The following DNAH7 variants were observed in gnomAD, a reference collection of about 807,000 sequenced individuals.
DNAH7 encodes axonemal beta dynein heavy chain 7.
DNAH7 carries 397 observed loss-of-function variants against 444.6 expected under a neutral mutation model. The observed-to-expected ratio is 0.89, with a 90% confidence interval of 0.82 to 0.97. The LOEUF (loss-of-function observed/expected upper bound fraction) is 0.97. DNAH7 is among the 50% of genes least tolerant of loss of function. DNAH7 has a pLI of 0.00. For synonymous variants in DNAH7, 1,636 were observed against 1,624.4 expected, an observed-to-expected ratio of 1.01 and a Z score of -0.17; for missense variants, 4,902 against 4,800.8, an observed-to-expected ratio of 1.02 and a Z score of -0.62.
chr2:196,027,440 A>G (rs1288457592), intron 6 of DNAH7, among the ~76,000 whole-genome samples: 1 of 151,910 alleles, frequency 6.6e-6, no homozygotes, highest in Non-Finnish European at 1.5e-5. Flanking sequence ...TTCATTTTAA[A>G]ACAAGTTATT....
chr2:195,948,369 GC>G (rs542687887), intron 19 of DNAH7, among the ~76,000 whole-genome samples: 1 of 152,184 alleles, frequency 6.6e-6, no homozygotes, highest in Non-Finnish European at 1.5e-5. Flanking sequence ...CTTTGCCCAT[GC>G]CTGTATCCTG....
At chr2:195,846,665 G>A (rs1699016951) in intron 46 of DNAH7, among the ~76,000 whole-genome samples, 1 of 152,156 alleles carries the variant, frequency 6.6e-6, no homozygotes, top group Non-Finnish European at 1.5e-5. Context: ...GAGTCAGTCA[G>A]CTGGGAAAGG....
At chr2:195,920,141 A>C (rs1238989355) in intron 24 of DNAH7, among the ~76,000 whole-genome samples, 2 of 152,220 alleles carry the variant, frequency 1.3e-5, no homozygotes, top group African/African-American at 4.8e-5. Flanking sequence ...TGCCAAAAGC[A>C]ATCTACAGAT....
intron 3 of DNAH7, among the ~76,000 whole-genome samples, chr2:196,048,647 C>G (rs985755175): frequency 6.6e-6 from 1 of 152,142 alleles, no homozygotes; most frequent in Non-Finnish European, 1.5e-5. Context: ...AAACCAGGGT[C>G]TTCATTCTAG....
chr2:196,042,782 T>C (rs1255857303), intron 5 of DNAH7, among the ~76,000 whole-genome samples: 1 of 152,086 alleles, frequency 6.6e-6, no homozygotes, highest in Non-Finnish European at 1.5e-5. Context: ...TGGAAAACAA[T>C]TTAGCATGTC....
At chr2:195,792,648 G>A (rs1301550531) in intron 57 of DNAH7, among the ~76,000 whole-genome samples, 1 of 152,090 alleles carries the variant, frequency 6.6e-6, no homozygotes, top group Non-Finnish European at 1.5e-5. Flanking sequence ...TTAAATAACA[G>A]TGTATCCTTC....
At chr2:195,970,500 C>A (rs1271210193) in intron 16 of DNAH7, among the ~76,000 whole-genome samples, 2 of 151,992 alleles carry the variant, frequency 1.3e-5, no homozygotes, top group Non-Finnish European at 2.9e-5. Context: ...TTTTTATAAA[C>A]TGAAAAAAAC....
intron 5 of DNAH7, among the ~76,000 whole-genome samples, chr2:196,028,666 G>A (rs1382478925): frequency 3.3e-5 from 5 of 152,182 alleles, no homozygotes; most frequent in African/African-American, 1.2e-4. Flanking sequence ...GCACTGGGCA[G>A]AAAGGCATAG....
intron 19 of DNAH7, among the ~76,000 whole-genome samples, chr2:195,948,141 G>GT (rs1296558696): frequency 3.3e-5 from 5 of 151,802 alleles, no homozygotes; most frequent in African/African-American, 4.8e-5. Context: ...TGATGGGGTT[G>GT]TTTTTTTTCT....
intron 16 of DNAH7, 115 bp from the exon 17 acceptor site, chr2:195,970,209 C>A: frequency 2.1e-6 from 2 of 946,298 alleles, no homozygotes; most frequent in Non-Finnish European, 3.0e-6. Context: ...ACTGGTAAAA[C>A]ATAAAAGGAT....
rs1373271449 is a variant in DNAH7, at chr2:195,817,907, C to A, written c.9292-78G>T. ...TCTGCTTTTATGTGTCAAGTTCTGC[C>A]CTTAAAATAGACTCTATTTACTATA... On this transcript the variant is annotated intron_variant, in intron 49 of 64. Coordinates refer to ENST00000312428, the MANE Select transcript of DNAH7 (RefSeq NM_018897.3). The A allele has an allele frequency of 7.5e-6, 8 of 1,068,882 alleles. No homozygotes were observed. In the East Asian group the frequency reaches 1.8e-4, roughly 24 times the overall value. The allele number at this position is 1,068,882 out of a possible 1,614,324, so 66.2% of individuals were successfully genotyped here.
At chr2:196,016,923 G>A (rs1009433392) in intron 9 of DNAH7, among the ~76,000 whole-genome samples, 8 of 152,092 alleles carry the variant, frequency 5.3e-5, no homozygotes, top group South Asian at 4.1e-4. Context: ...TAAAAATTAC[G>A]AACTCTTACT....
intron 60 of DNAH7, among the ~76,000 whole-genome samples, chr2:195,775,612 T>TA (rs1695023068): frequency 6.7e-6 from 1 of 148,982 alleles, no homozygotes; most frequent in Admixed American, 6.7e-5. Flanking sequence ...GAATGATACT[T>TA]AAAGAATATA....
intron 46 of DNAH7, among the ~76,000 whole-genome samples, chr2:195,852,562 G>A (rs1699435196): frequency 1.3e-5 from 2 of 152,068 alleles, no homozygotes; most frequent in African/African-American, 4.8e-5. Context: ...CCATGACCCA[G>A]GTTGGATTCC....
chr2:195,799,192 T>C (rs1696323691), intron 55 of DNAH7, 104 bp downstream of exon 55: 6 of 1,051,868 alleles, frequency 5.7e-6, no homozygotes, highest in South Asian at 6.5e-5. Flanking sequence ...CTTTCAAAGG[T>C]TGAATGACAA....
At chr2:195,779,285 T>C (rs1208576383) in intron 58 of DNAH7, among the ~76,000 whole-genome samples, 1 of 152,228 alleles carries the variant, frequency 6.6e-6, no homozygotes, top group Non-Finnish European at 1.5e-5. Flanking sequence ...TGCTGAATCA[T>C]GTTCATTAAA....
At chr2:195,899,423 A>T (rs934679385) in intron 28 of DNAH7, among the ~76,000 whole-genome samples, 16 of 152,334 alleles carry the variant, frequency 1.1e-4, no homozygotes, top group South Asian at 2.1e-4. Context: ...TATACTTCCC[A>T]TTATCTGACC....
intron 47 of DNAH7, among the ~76,000 whole-genome samples, chr2:195,836,305 C>A (rs1698369627): frequency 6.6e-6 from 1 of 151,976 alleles, no homozygotes; most frequent in African/African-American, 2.4e-5. Context: ...TCACTTAAGC[C>A]CAGGAGTTCG....
intron 28 of DNAH7, among the ~76,000 whole-genome samples, chr2:195,898,539 C>A (rs1686483879): frequency 6.6e-6 from 1 of 152,058 alleles, no homozygotes; most frequent in Non-Finnish European, 1.5e-5. Flanking sequence ...GTTTTCGCAC[C>A]ATGCAGTTAG....
Sources: gnomAD v4.1 joint callset for allele counts (sites outside exome capture counted in the v4.1 genomes callset) on GRCh38, gnomAD v4.1.1 for gene constraint, MANE v1.5 for transcripts, NCBI Gene and HGNC (gene_info 2026-07-23, HGNC 2026-07-21) for gene names.